INPP4B: variants seen among roughly 807,000 people sequenced by gnomAD.
The protein encoded by INPP4B is inositol polyphosphate-4-phosphatase type II B.
Under a neutral mutation model 122.5 loss-of-function variants are expected in INPP4B, and 55 were observed. The observed-to-expected ratio is 0.45, with a 90% CI of 0.36 to 0.56. INPP4B has a LOEUF of 0.56. INPP4B is among the 20% of genes least tolerant of loss of function. The pLI, the probability that INPP4B is intolerant of heterozygous loss-of-function variation, is 0.00. For synonymous variants in INPP4B, 403 were observed against 388.7 expected (o/e 1.04, Z -0.43); for missense variants, 1,000 against 1,097.7 (o/e 0.91, Z 1.26).
chr4:142,398,806 A>G (rs1800610450), intron 7 of INPP4B, among the ~76,000 whole-genome samples: 1 of 152,130 alleles, frequency 6.6e-6, no homozygotes, highest in Non-Finnish European at 1.5e-5. Context: ...CAGGGTTGCT[A>G]GTAACTGGCA....
intron 1 of INPP4B, among the ~76,000 whole-genome samples, chr4:142,806,769 AAGAAAGAAAGAAAGAAG>A (rs1344201303): frequency 8.4e-4 from 65 of 77,016 alleles, no homozygotes; most frequent in African/African-American, 3.1e-3. Flanking sequence ...AGAAAGAAGA[AAGAAAGAAAGAAAGAAG>A]GAAAGAAAGA....
At chr4:142,624,980 CT>C (rs1198918217) in intron 2 of INPP4B, among the ~76,000 whole-genome samples, 2 of 150,886 alleles carry the variant, frequency 1.3e-5, no homozygotes, top group African/African-American at 4.9e-5. Flanking sequence ...TGGGATGTAT[CT>C]CAAAATAATA....
chr4:142,331,105 G>C (rs1185384927), intron 7 of INPP4B, among the ~76,000 whole-genome samples: 2 of 152,192 alleles, frequency 1.3e-5, no homozygotes, highest in African/African-American at 2.4e-5. Flanking sequence ...AAATTCAAGG[G>C]ATTTAATCTA....
chr4:142,510,839 C>T (rs1417610263), intron 2 of INPP4B, among the ~76,000 whole-genome samples: 1 of 152,108 alleles, frequency 6.6e-6, no homozygotes, highest in Non-Finnish European at 1.5e-5. Context: ...TTAGTTTTCA[C>T]TCAACAATTA....
At chr4:142,056,598 GAAC>G (rs1347200817) in intron 25 of INPP4B, among the ~76,000 whole-genome samples, 1 of 152,050 alleles carries the variant, frequency 6.6e-6, no homozygotes, top group East Asian at 1.9e-4. Context: ...TTGATTCCCA[GAAC>G]AACATAAGAT....
intron 1 of INPP4B, among the ~76,000 whole-genome samples, chr4:142,738,186 G>A (rs750318165): frequency 4.6e-5 from 7 of 152,130 alleles, no homozygotes; most frequent in Admixed American, 1.3e-4. Context: ...ACTATTCACA[G>A]TAGCAAAGAC....
chr4:142,750,674 A>G (rs1211835625), intron 1 of INPP4B, among the ~76,000 whole-genome samples: 1 of 152,126 alleles, frequency 6.6e-6, no homozygotes, highest in Admixed American at 6.6e-5. Flanking sequence ...GTGCTGGTGC[A>G]GCATAAACAC....
At chr4:142,625,036 G>A (rs1746005751) in intron 2 of INPP4B, among the ~76,000 whole-genome samples, 2 of 150,096 alleles carry the variant, frequency 1.3e-5, no homozygotes, top group South Asian at 2.1e-4. Context: ...TACTGAATGG[G>A]CAAAAACTGG....
chr4:142,648,491 T>G (rs752508878), intron 2 of INPP4B, among the ~76,000 whole-genome samples: 1 of 152,226 alleles, frequency 6.6e-6, no homozygotes, highest in Non-Finnish European at 1.5e-5. Context: ...ACCAAGGTCT[T>G]AGCAACAAGC....
chr4:142,312,469 C>T (rs980355304), intron 8 of INPP4B, among the ~76,000 whole-genome samples: 1 of 152,112 alleles, frequency 6.6e-6, no homozygotes, highest in Non-Finnish European at 1.5e-5. Flanking sequence ...CGTTTACCTC[C>T]ACTGGGAACT....
chr4:142,425,733 C>T (rs1807902088), intron 5 of INPP4B, among the ~76,000 whole-genome samples: 1 of 151,982 alleles, frequency 6.6e-6, no homozygotes. Context: ...TATGTTCTAT[C>T]CAGTGGCCTC....
chr4:142,300,168 T>C lies in INPP4B; in HGVS notation c.503+5290A>G, dbSNP rs574599249. On this transcript the variant is annotated intron_variant, in intron 9 of 25. Coordinates refer to ENST00000262992, the MANE Select transcript of INPP4B (RefSeq NM_001101669.3). ...TGGGGGTTCACACCAACTTACAGGA[T>C]TCCAGCAACAAACTTATTTCAATCC... is the stretch of plus-strand genomic sequence containing the variant. 1.4e-4 allele frequency among the ~76,000 whole-genome samples: 21 copies of C among 152,306 alleles called. 2 individuals are homozygous for C. The South Asian group carries it at 4.3e-3, about 32-fold the overall frequency.
At chr4:142,565,440 G>T (rs1233643681) in intron 2 of INPP4B, among the ~76,000 whole-genome samples, 2 of 152,276 alleles carry the variant, frequency 1.3e-5, no homozygotes, top group African/African-American at 4.8e-5. Flanking sequence ...TAACGTAAGG[G>T]TTCATGTGTC....
chr4:142,085,586 C>T (rs748998095), intron 24 of INPP4B, among the ~76,000 whole-genome samples: 4 of 152,032 alleles, frequency 2.6e-5, no homozygotes, highest in Non-Finnish European at 4.4e-5. Context: ...GGTGAGAACA[C>T]AGGCAGCTCT....
At chr4:142,193,799 C>T (rs2149367162) in intron 14 of INPP4B, among the ~76,000 whole-genome samples, 1 of 152,240 alleles carries the variant, frequency 6.6e-6, no homozygotes, top group African/African-American at 2.4e-5. Context: ...TCTAGTAAGA[C>T]ACTTTGTTTT....
intron 2 of INPP4B, among the ~76,000 whole-genome samples, chr4:142,715,347 C>A (rs1003629111): frequency 6.6e-6 from 1 of 152,132 alleles, no homozygotes; most frequent in African/African-American, 2.4e-5. Context: ...AAGAAATTCC[C>A]AATTTTATTT....
chr4:142,623,782 T>C (rs900436221), intron 2 of INPP4B, among the ~76,000 whole-genome samples: 6 of 149,524 alleles, frequency 4.0e-5, no homozygotes, highest in Non-Finnish European at 5.9e-5. Context: ...TGTGTTCTCA[T>C]TGTTCAATTC....
At chr4:142,482,456 T>A (rs571319102) in intron 2 of INPP4B, among the ~76,000 whole-genome samples, 295 of 152,286 alleles carry the variant, frequency 1.9e-3, no homozygotes, top group African/African-American at 6.9e-3. Flanking sequence ...CTGATTCCCA[T>A]GCCTACTAAT....
chr4:142,117,588 AAAGGCCTT>A (rs1794279582), intron 21 of INPP4B, among the ~76,000 whole-genome samples: 1 of 152,196 alleles, frequency 6.6e-6, no homozygotes, highest in African/African-American at 2.4e-5. Context: ...TAGATGCAGA[AAAGGCCTT>A]TGACAAAATT....
Sources: allele counts gnomAD v4.1 joint callset (sites outside exome capture counted in the v4.1 genomes callset), GRCh38; gene constraint gnomAD v4.1.1; transcripts MANE v1.5; gene names NCBI Gene and HGNC (gene_info 2026-07-23, HGNC 2026-07-21).